The following PIK3C2G variants were observed in gnomAD, a reference collection of about 807,000 sequenced individuals.
PIK3C2G encodes the protein phosphatidylinositol-4-phosphate 3-kinase catalytic subunit type 2 gamma, also known as phosphatidylinositol 3-kinase C2 domain-containing subunit gamma.
PIK3C2G carries 168 observed loss-of-function variants against 181.1 expected under a neutral mutation model. The ratio of observed to expected loss-of-function variants is 0.93; its 90% confidence interval spans 0.82 to 1.05. The LOEUF is 1.05. Among genes scored for constraint, PIK3C2G ranks in the 50% least tolerant of loss-of-function variants. The pLI is 0.00. For missense variants in PIK3C2G, 1,869 were observed against 1,732.8 expected (o/e 1.08, Z -1.40); for synonymous variants, 573 against 592.2 (o/e 0.97, Z 0.47).
In PIK3C2G at chr12:18,451,811, G is replaced by A. The variant is rs531356351; in HGVS notation, c.2504+27772G>A. On this transcript the variant is annotated intron_variant, in intron 18 of 32. Transcript: ENST00000538779. ...TTGAATTTTATCGAAGGCCTTTTCTGCACCTATTGAGATAATCATGTGGTT... is the reference window on the plus strand; with the variant it reads ...TTGAATTTTATCGAAGGCCTTTTCTACACCTATTGAGATAATCATGTGGTT... Among the ~76,000 whole-genome samples the A allele has an allele frequency of 1.1e-4, 17 of 152,300 alleles. No individual in the cohort carries two copies. In the South Asian group the frequency reaches 3.5e-3, roughly 32 times the overall value.
chr12:18,369,420 A>G (rs143744405), intron 12 of PIK3C2G, among the ~76,000 whole-genome samples: 67 of 152,108 alleles, frequency 4.4e-4, no homozygotes, highest in African/African-American at 9.9e-4. Context: ...TATAATGATC[A>G]TATAATTGAC....
At chr12:18,712,285 A>T in the PIK3C2G span, among the ~76,000 whole-genome samples, 1 of 152,164 alleles carries the variant, frequency 6.6e-6, no homozygotes, top group Non-Finnish European at 1.5e-5. Context: ...GATTGCAAAA[A>T]CCTGCTCAAT....
rs998050490 is a variant in PIK3C2G, at chr12:18,598,715, T to C, written c.4087+4146T>C. ...CTACCATCAGAGTGAACAGGCAACC[T>C]ACAAAATGGGAGAAAATTTTCGCAA... is the stretch of plus-strand genomic sequence containing the variant. On this transcript the variant is annotated intron_variant, in intron 30 of 32. Transcript: ENST00000538779. Among the ~76,000 whole-genome samples, 89 of 134,760 alleles carry C rather than the reference T, an allele frequency of 6.6e-4. 1 individual carries two copies. Among genetic ancestry groups the C allele is most frequent in the Non-Finnish European group, 1.4e-3 (85 of 58,900 alleles). The allele number at this position is 134,760 out of a possible 152,430, so 88.4% of individuals were successfully genotyped here.
Position 18,320,984 on chromosome 12 carries a change from T to C in PIK3C2G, c.1160T>C (p.Phe387Ser), listed in dbSNP as rs773845276. ...SRKHEEDHSQ[F>S]YLNQLLEFMH... ...CAGCATGAAGAGGACCACAGTCAGT[T>C]TTATCTGAATCAACTTCTAGAATTT... Residue 387 changes from phenylalanine (F) to serine (S), a missense_variant, in exon 7 of 33, where the codon TTT (phenylalanine) becomes TCT (serine). Physicochemically the swap from Phe to Ser is radical, Grantham distance 155 (BLOSUM62 -2). Coordinates refer to ENST00000538779, the MANE Select transcript of PIK3C2G (RefSeq NM_001288772.2). 1 of 1,572,038 alleles carries C rather than the reference T, an allele frequency of 6.4e-7. No individual in the cohort carries two copies. The highest frequency in any genetic ancestry group is 8.7e-7 in the Non-Finnish European group (1 of 1,145,896).
intron 17 of PIK3C2G, among the ~76,000 whole-genome samples, chr12:18,422,894 GT>G (rs1213412310): frequency 1.3e-5 from 2 of 152,102 alleles, no homozygotes; most frequent in Non-Finnish European, 2.9e-5. Context: ...CATGGCTACA[GT>G]TTAAGACAGC....
the PIK3C2G span, among the ~76,000 whole-genome samples, chr12:18,724,673 T>A: frequency 1.3e-5 from 2 of 152,144 alleles, no homozygotes; most frequent in Non-Finnish European, 2.9e-5. Flanking sequence ...TTAAATAACA[T>A]GCTTCAACTT....
intron 31 of PIK3C2G, among the ~76,000 whole-genome samples, chr12:18,616,793 G>C (rs1948626654): frequency 6.6e-6 from 1 of 151,938 alleles, no homozygotes; most frequent in South Asian, 2.1e-4. Context: ...TACCTAAAGA[G>C]AATAGCAAAA....
chr12:18,512,571 G>A (rs1237224237), intron 24 of PIK3C2G, among the ~76,000 whole-genome samples: 2 of 151,720 alleles, frequency 1.3e-5, no homozygotes, highest in Non-Finnish European at 3.0e-5. Context: ...CCCCATAAAT[G>A]GGATTTTCTT....
chr12:18,685,842 ACGCG>A, the PIK3C2G span, among the ~76,000 whole-genome samples: 953 of 145,382 alleles, frequency 6.6e-3, 4 homozygotes, highest in Non-Finnish European at 9.4e-3. Context: ...ACACACACAC[ACGCG>A]CACACACACA....
the PIK3C2G span, among the ~76,000 whole-genome samples, chr12:18,722,055 A>G: frequency 6.6e-6 from 1 of 152,000 alleles, no homozygotes; most frequent in African/African-American, 2.4e-5. Context: ...ATTCAGATTT[A>G]ATGCTTCCCT....
chr12:18,245,551 G>A (rs1948031211), upstream of PIK3C2G, among the ~76,000 whole-genome samples: 1 of 151,960 alleles, frequency 6.6e-6, no homozygotes, highest in Non-Finnish European at 1.5e-5. Context: ...ATTTTTCAAT[G>A]TTCCCATCTA....
the PIK3C2G span, among the ~76,000 whole-genome samples, chr12:18,718,280 G>C: frequency 6.6e-6 from 1 of 152,068 alleles, no homozygotes; most frequent in East Asian, 1.9e-4. Context: ...TTCACCACCA[G>C]CTATATCACC....
intron 31 of PIK3C2G, among the ~76,000 whole-genome samples, chr12:18,627,582 C>T (rs970300253): frequency 6.6e-6 from 1 of 152,110 alleles, no homozygotes; most frequent in Admixed American, 6.6e-5. Context: ...AAGTAGGTGA[C>T]CTCCTATTCT....
At position 18,546,433 on chromosome 12, in the gene PIK3C2G, G is replaced by C. The variant is rs1944430577; in HGVS notation, c.3590+1G>C. Reference sequence around the variant, plus strand: ...TGGAAGCAACAAGTCATTTTACCAAGTAAGATCACCTATGAATGTGTGAGC... The same window carrying C: ...TGGAAGCAACAAGTCATTTTACCAACTAAGATCACCTATGAATGTGTGAGC... On this transcript the variant is annotated splice_donor_variant, in intron 26 of 32. Transcript: ENST00000538779. LOFTEE classifies it high-confidence loss of function. The C allele has an allele frequency of 6.7e-7, 1 of 1,502,280 alleles. No individual in the cohort carries two copies. The highest frequency in any genetic ancestry group is 1.8e-5 in the Admixed American group (1 of 56,582). The allele number at this position is 1,502,280 out of a possible 1,614,324, so 93.1% of individuals were successfully genotyped here.
intron 11 of PIK3C2G, among the ~76,000 whole-genome samples, chr12:18,351,353 C>T (rs1940198954): frequency 6.6e-6 from 1 of 152,076 alleles, no homozygotes; most frequent in Non-Finnish European, 1.5e-5. Context: ...ACCATTTCCT[C>T]TATGCCATTT....
Position 18,282,510 on chromosome 12 carries a change from T to C in PIK3C2G, c.429T>C (p.Ile143=). 6.2e-7 allele frequency: 1 copy of C among 1,612,226 alleles called. No homozygotes were observed. The highest frequency in any genetic ancestry group is 8.5e-7 in the Non-Finnish European group (1 of 1,178,634). ...HHGADDSRFS[I]LAPSFTSLDK... ...GTGCTGATGATTCCAGATTCAGTAT[T>C]TTAGCTCCATCATTCACAAGTTTGG... Residue 143 remains isoleucine (I), a synonymous_variant, in exon 2 of 33, where the codon ATT becomes ATC. Coordinates refer to ENST00000538779, the MANE Select transcript of PIK3C2G (RefSeq NM_001288772.2).
At chr12:18,486,836 A>T (rs138286500) in intron 18 of PIK3C2G, among the ~76,000 whole-genome samples, 1 of 152,172 alleles carries the variant, frequency 6.6e-6, no homozygotes, top group Non-Finnish European at 1.5e-5. Flanking sequence ...GCAGTACACA[A>T]TTCTGCAAAA....
At chr12:18,368,043 C>A (rs1249950706) in intron 12 of PIK3C2G, among the ~76,000 whole-genome samples, 1 of 152,126 alleles carries the variant, frequency 6.6e-6, no homozygotes, top group African/African-American at 2.4e-5. Flanking sequence ...TCTAAGAACT[C>A]ACTCACTATC....
intron 2 of PIK3C2G, among the ~76,000 whole-genome samples, chr12:18,283,839 T>C (rs1949326471): frequency 6.6e-6 from 1 of 152,078 alleles, no homozygotes; most frequent in South Asian, 2.1e-4. Context: ...AATAAGTGAA[T>C]CAGGTGATTG....
Sources: gnomAD v4.1 joint callset for allele counts (sites outside exome capture counted in the v4.1 genomes callset) on GRCh38, gnomAD v4.1.1 for gene constraint, MANE v1.5 for transcripts, NCBI Gene and HGNC (gene_info 2026-07-23, HGNC 2026-07-21) for gene names.